Variants in SZT2 observed in about 807,000 individuals in gnomAD.
The protein encoded by SZT2 is KICSTOR complex protein SZT2.
In SZT2, 216 loss-of-function variants were observed where a neutral mutation model predicts 404.2. The ratio of observed to expected loss-of-function variants is 0.53; its 90% CI spans 0.48 to 0.60. SZT2 has a LOEUF of 0.60. Ranked by LOEUF, SZT2 falls within the 20% of genes least tolerant of loss-of-function variation. The pLI, the probability that SZT2 is intolerant of heterozygous loss-of-function variation, is 0.00. For synonymous variants in SZT2, 1,693 were observed against 1,749.9 expected, an observed-to-expected ratio of 0.97 and a Z score of 0.81; for missense variants, 3,857 against 4,459.2, an observed-to-expected ratio of 0.86 and a Z score of 3.85.
rs995786948 is a variant in SZT2 at position 43,441,158 on chromosome 1, A to G, written c.7345-56A>G. 1 of 1,584,202 alleles carries G rather than the reference A, an allele frequency of 6.3e-7. No individual in the cohort carries two copies. The highest frequency in any genetic ancestry group is 2.2e-5 in the East Asian group (1 of 44,624). On this transcript the variant is annotated intron_variant, in intron 52 of 71. Transcript: ENST00000634258. This position sits in a 1 kb window ranked among gnomAD's most constrained non-coding sequence, Gnocchi z 4.8. ...CTCACTGCTGTTCCATAGTGCCCCC[A>G]TCCCACACCTTTCCTCTTCCCAGTA...
In SZT2 at chr1:43,452,144, ACC is replaced by A. The variant is rs1281356123; in HGVS notation, c.*1668_*1669del. The A allele has an allele frequency of 1.3e-5, 20 of 1,505,840 alleles. No homozygotes were observed. The highest frequency in any genetic ancestry group is 1.6e-5 in the Non-Finnish European group (18 of 1,091,238). The allele number at this position is 1,505,840 out of a possible 1,614,324, so 93.3% of individuals were successfully genotyped here. A position where few individuals can be genotyped will look rare whatever the true frequency, so the allele number is the denominator to read the frequency against. On this transcript the variant is annotated 3_prime_UTR_variant, in exon 72 of 72. Transcript: ENST00000634258. ...GCCTCACGTGCTGTCCCCACTGTGC[ACC>A]CCCTTCTCCGCACACCCACAGAGAC...
chr1:43,452,155 C>T lies in SZT2; in HGVS notation c.*1675C>T, dbSNP rs368505715. The stretch of plus-strand genomic sequence containing the variant: ...TGTCCCCACTGTGCACCCCCTTCTC[C>T]GCACACCCACAGAGACATGTAAGTA... On this transcript the variant is annotated 3_prime_UTR_variant, in exon 72 of 72. Transcript: ENST00000634258. The T allele has an allele frequency of 1.3e-4, 205 of 1,525,782 alleles. No individual in the cohort carries two copies. Among genetic ancestry groups the T allele is most frequent in the Non-Finnish European group, 1.5e-4 (165 of 1,107,982 alleles). 94.5% of individuals were successfully genotyped at this position (1,525,782 alleles called of 1,614,324 possible). A position where few individuals can be genotyped will look rare whatever the true frequency, so the allele number is the denominator to read the frequency against.
chr1:43,443,216 C>T lies in SZT2; in HGVS notation c.8448C>T (p.Asn2816=). The T allele has an allele frequency of 6.2e-7, 1 of 1,614,208 alleles. No homozygotes were observed. The highest frequency in any genetic ancestry group is 8.5e-7 in the Non-Finnish European group (1 of 1,180,034). ...RELERQMKME[N]LFVTWQQRST... ...TGGAGCGCCAGATGAAGATGGAAAACCTGTTTGTAACCTGGCAGCAGCGTT... is the reference window on the plus strand; with the variant it reads ...TGGAGCGCCAGATGAAGATGGAAAATCTGTTTGTAACCTGGCAGCAGCGTT... Residue 2816 remains asparagine, a synonymous_variant, in exon 60 of 72, where the codon AAC becomes AAT. Transcript: ENST00000634258.
intron 1 of SZT2, among the ~76,000 whole-genome samples, chr1:43,399,508 C>G (rs1006502059): frequency 2.0e-4 from 28 of 141,988 alleles, no homozygotes; most frequent in African/African-American, 7.7e-4. Flanking sequence ...TCTCGCTAGG[C>G]TGGAGTGCAG....
chr1:43,448,368 C>G lies in SZT2; in HGVS notation c.9853C>G (p.Leu3285Val). The change falls in exon 69 of 72, where the codon CTG becomes GTG. Residue 3285 changes from leucine (L) to valine (V), a missense_variant. Physicochemically the swap from Leu to Val is conservative, Grantham distance 32. Around this residue, in one of 7 missense-constraint regions of SZT2, gnomAD observed 717 missense variants for 868.2 expected, o/e 0.83. Coordinates refer to ENST00000634258, the MANE Select transcript of SZT2 (RefSeq NM_001365999.1). This position sits in a 1 kb window ranked among gnomAD's most constrained non-coding sequence, Gnocchi z 4.2. Reference protein sequence around the residue: ...RDTLWKRLFLLEPPGPDRLRL... With the variant: ...RDTLWKRLFLVEPPGPDRLRL... ...CACCCTTTGGAAGCGCCTCTTCTTGCTGGAGCCACCGGGGCCTGATCGACT... is the reference window on the plus strand; with the variant it reads ...CACCCTTTGGAAGCGCCTCTTCTTGGTGGAGCCACCGGGGCCTGATCGACT... 1 of 1,557,252 alleles carries G rather than the reference C, an allele frequency of 6.4e-7. No individual in the cohort carries two copies. The highest frequency in any genetic ancestry group is 8.7e-7 in the Non-Finnish European group (1 of 1,150,398).
At position 43,442,930 on chromosome 1, in the gene SZT2, G is replaced by T. The variant is rs1655233130; in HGVS notation, c.8263G>T (p.Gly2755Cys). 6.2e-7 allele frequency: 1 copy of T among 1,614,096 alleles called. No homozygotes were observed. The highest frequency in any genetic ancestry group is 1.3e-5 in the African/African-American group (1 of 75,034). Residue 2755 changes from glycine to cysteine, a missense_variant, in exon 59 of 72, where the codon GGT becomes TGT. This residue lies in a region of SZT2 where 573 missense variants were observed against 592.4 expected (regional missense o/e 0.97). Coordinates refer to ENST00000634258, the MANE Select transcript of SZT2 (RefSeq NM_001365999.1). The surrounding 1 kb of genome is among the most constrained non-coding windows in gnomAD (Gnocchi z 4.5). ...ACTGAGTGGGTCCTCTCGTGGTGGGGGTCCTCTTCCCCTGGACACATTCCC... is the reference window on the plus strand; with the variant it reads ...ACTGAGTGGGTCCTCTCGTGGTGGGTGTCCTCTTCCCCTGGACACATTCCC... ...GRLSGSSRGGGPLPLDTFPFD... is the reference protein window; with the variant it reads ...GRLSGSSRGGCPLPLDTFPFD...
intron 1 of SZT2, among the ~76,000 whole-genome samples, chr1:43,395,979 A>G (rs1290271032): frequency 6.6e-6 from 1 of 152,224 alleles, no homozygotes; most frequent in East Asian, 1.9e-4. Flanking sequence ...AATTTATCCA[A>G]GTGACAGGAC....
intron 1 of SZT2, among the ~76,000 whole-genome samples, chr1:43,394,708 G>A (rs914190244): frequency 6.6e-6 from 1 of 151,918 alleles, no homozygotes; most frequent in Non-Finnish European, 1.5e-5. Flanking sequence ...GAGAAACCTC[G>A]TCTCTACCAA....
In SZT2 at chr1:43,425,265, C is replaced by T; in HGVS notation, c.2645+58C>T. 3 of 1,595,232 alleles carry T rather than the reference C, an allele frequency of 1.9e-6. No homozygotes were observed. The highest frequency in any genetic ancestry group is 2.6e-6 in the Non-Finnish European group (3 of 1,165,280). ...CAGAGTCAGCCTTCTCCCCACCATC[C>T]CCTAGAGGTCTGGCTCCCATATCCT... On this transcript the variant is annotated intron_variant, in intron 18 of 71. Coordinates refer to ENST00000634258, the MANE Select transcript of SZT2 (RefSeq NM_001365999.1). This position sits in a 1 kb window ranked among gnomAD's most constrained non-coding sequence, Gnocchi z 4.3.
rs117454252 is a variant in SZT2, at chr1:43,451,412, C to T, written c.*932C>T. 2,161 of 1,612,572 alleles carry T rather than the reference C, an allele frequency of 1.3e-3. 32 individuals are homozygous for T. In the East Asian group the frequency reaches 0.021, roughly 15 times the overall value. ...CCTTCCCCAGGGCCACGCCTCACCT[C>T]GAGGCTGATACTCACAGCCCACGAA... On this transcript the variant is annotated 3_prime_UTR_variant, in exon 72 of 72. Transcript: ENST00000634258.
chr1:43,440,190 C>T, intron 51 of SZT2, 142 bp downstream of exon 51: 1 of 1,279,006 alleles, frequency 7.8e-7, no homozygotes. Flanking sequence ...TCACAGTTGT[C>T]CGTGAGCTTG....
chr1:43,423,074 G>C (rs746045998), intron 14 of SZT2, 25 bp from the exon 15 acceptor site: 20 of 1,563,164 alleles, frequency 1.3e-5, no homozygotes, highest in Non-Finnish European at 1.5e-5. Flanking sequence ...GGGAGTAAGA[G>C]GATGTGACCA....
chr1:43,399,020 C>T (rs1313319277), intron 1 of SZT2, among the ~76,000 whole-genome samples: 1 of 151,634 alleles, frequency 6.6e-6, no homozygotes, highest in East Asian at 1.9e-4. Context: ...GCGGAAGTTG[C>T]AGTGAGCCGA....
chr1:43,433,315 C>CCTAAGAATACAAG, intron 40 of SZT2, 125 bp downstream of exon 40: 4 of 980,612 alleles, frequency 4.1e-6, no homozygotes, highest in Non-Finnish European at 6.0e-6. Context: ...AGAGATCCAA[C>CCTAAGAATACAAG]TTGTATTCTT....
chr1:43,432,663 C>T, intron 38 of SZT2, 59 bp downstream of exon 38: 2 of 1,613,354 alleles, frequency 1.2e-6, no homozygotes, highest in Non-Finnish European at 1.7e-6. Context: ...ACCATGCTTC[C>T]ATTTTTGGAG....
At chr1:43,430,203 T>A (rs1336029571) in intron 30 of SZT2, 100 bp downstream of exon 30, 1 of 1,571,960 alleles carries the variant, frequency 6.4e-7, no homozygotes, top group East Asian at 2.2e-5. Flanking sequence ...GTGGCTCTTG[T>A]CTTGCCTTAG....
In SZT2 at chr1:43,432,756, A is replaced by C; in HGVS notation, c.5559A>C (p.Leu1853Phe). The C allele has an allele frequency of 6.2e-7, 1 of 1,613,964 alleles. No individual in the cohort carries two copies. Among genetic ancestry groups the C allele is most frequent in the Non-Finnish European group, 8.5e-7 (1 of 1,179,950 alleles). The stretch of plus-strand genomic sequence containing the variant: ...GTCAGCCTGGGCCCAGCCGGGGATT[A>C]AGTCTCATGTCCAGTCAGGGCAGTG... The part of the protein sequence containing the change: ...GGSQPGPSRG[L>F]SLMSSQGSVD... The change falls in exon 39 of 72, where the codon TTA becomes TTC. Residue 1853 changes from leucine (L) to phenylalanine (F), a missense_variant. Coordinates refer to ENST00000634258, the MANE Select transcript of SZT2 (RefSeq NM_001365999.1).
Position 43,441,552 on chromosome 1 carries a change from TGTGTTTGCCC to T in SZT2, c.7566_7575del (p.Phe2522LeufsTer128), listed in dbSNP as rs1348163477. On this transcript the variant is annotated frameshift_variant, in exon 54 of 72. Transcript: ENST00000634258. LOFTEE classifies it high-confidence loss of function. The surrounding 1 kb of genome is among the most constrained non-coding windows in gnomAD (Gnocchi z 4.8). ...AGGGTGAGGTGGGGACCCTTCATCC[TGTGTTTGCCC>T]GTGTTGCTCAGCGCTGGATGGAGTT... 6.2e-7 allele frequency: 1 copy of T among 1,614,066 alleles called. No homozygotes were observed. The highest frequency in any genetic ancestry group is 8.5e-7 in the Non-Finnish European group (1 of 1,180,026).
chr1:43,424,787 C>G lies in SZT2; in HGVS notation c.2475C>G (p.Val825=). Residue 825 remains valine, a synonymous_variant, in exon 17 of 72, where the codon GTC becomes GTG. Transcript: ENST00000634258. The surrounding 1 kb of genome is among the most constrained non-coding windows in gnomAD (Gnocchi z 4.1). ...IAQLLSILTE[V]RLSEGFHFAC... ...CCCGGCCTTTATGGGGCTTCAGAGT[C>G]CGACTTTCTGAAGGATTCCACTTCG... The G allele has an allele frequency of 6.2e-7, 1 of 1,613,910 alleles. No individual in the cohort carries two copies. Among genetic ancestry groups the G allele is most frequent in the Non-Finnish European group, 8.5e-7 (1 of 1,179,836 alleles).
Sources: gnomAD v4.1 joint callset for allele counts (sites outside exome capture counted in the v4.1 genomes callset) on GRCh38, gnomAD v4.1.1 for gene constraint, gnomAD v4.1.1 regional missense constraint, Gnocchi (gnomAD v3.1) non-coding constraint, MANE v1.5 for transcripts, NCBI Gene and HGNC (gene_info 2026-07-23, HGNC 2026-07-21) for gene names.